USP9X: variants seen among roughly 807,000 people sequenced by gnomAD.
USP9X encodes the protein ubiquitin specific peptidase 9 X-linked.
USP9X carries 7 observed loss-of-function variants against 190.3 expected under a neutral mutation model. That is an observed-to-expected ratio of 0.04 (90% CI 0.02 to 0.07). The LOEUF (loss-of-function observed/expected upper bound fraction) is 0.07. Among genes scored for constraint, USP9X ranks in the 10% least tolerant of loss-of-function variants. The pLI is 1.00. For missense variants in USP9X, 1,010 were observed against 1,916.9 expected, an observed-to-expected ratio of 0.53 and a Z score of 8.83; for synonymous variants, 645 against 659.5, an observed-to-expected ratio of 0.98 and a Z score of 0.34.
chrX:41,087,266 TG>T (rs1479799292), intron 1 of USP9X, among the ~76,000 whole-genome samples: 5 of 112,339 alleles, frequency 4.5e-5, no homozygotes, highest in African/African-American at 6.5e-5. Flanking sequence ...ACTTAACGTT[TG>T]TATACTTTCA....
At chrX:41,164,015 G>C (rs983198717) in intron 15 of USP9X, among the ~76,000 whole-genome samples, 6 of 111,157 alleles carry the variant, frequency 5.4e-5, no homozygotes, top group Non-Finnish European at 9.4e-5. Context: ...TGGGACTACA[G>C]GCATGCGCCA....
At chrX:41,196,939 C>T (rs2062989043) in intron 28 of USP9X, among the ~76,000 whole-genome samples, 1 of 112,052 alleles carries the variant, frequency 8.9e-6, no homozygotes, top group African/African-American at 3.2e-5. Context: ...AAATGAATTG[C>T]TTACTTGACA....
At chrX:41,209,679 T>G (rs145584244) in intron 32 of USP9X, among the ~76,000 whole-genome samples, 1,850 of 112,208 alleles carry the variant, frequency 0.016, 31 homozygotes, top group African/African-American at 0.057. Context: ...TGAAACAAGC[T>G]GATTTTTAAC....
intron 39 of USP9X, among the ~76,000 whole-genome samples, chrX:41,223,983 T>G (rs12009985): frequency 0.15 from 16,456 of 110,075 alleles, 1,159 homozygotes; most frequent in African/African-American, 0.24. Flanking sequence ...GGCAGGAGAA[T>G]CACTTGAGCT....
chrX:41,154,957 A>G (rs1329478207), intron 14 of USP9X, among the ~76,000 whole-genome samples: 2 of 112,137 alleles, frequency 1.8e-5, no homozygotes, highest in Non-Finnish European at 3.8e-5. Context: ...TTACAACGTT[A>G]AATCACTTCT....
chrX:41,218,952 C>T, intron 37 of USP9X, 150 bp from the exon 38 acceptor site: 2 of 576,533 alleles, frequency 3.5e-6, no homozygotes, highest in Non-Finnish European at 5.0e-6. Context: ...TCTTCATTCC[C>T]TTTCCCAAGA....
rs2062490935 is a variant in USP9X, at chrX:41,148,493, C to G, written c.1544C>G (p.Ala515Gly). ...HKVLNLLWNL[A>G]HSDDVPVDIM... Reference sequence around the variant, plus strand: ...GTGTTGAACCTTCTGTGGAATCTGGCTCACAGTGATGATGTGCCTGTAGAT... The same window carrying G: ...GTGTTGAACCTTCTGTGGAATCTGGGTCACAGTGATGATGTGCCTGTAGAT... The change falls in exon 12 of 45, where the codon GCT becomes GGT. Residue 515 changes from alanine to glycine, a missense_variant. Transcript: ENST00000378308. The G allele has an allele frequency of 8.3e-7, 1 of 1,210,077 alleles. No individual in the cohort carries two copies. The highest frequency in any genetic ancestry group is 1.1e-6 in the Non-Finnish European group (1 of 895,302).
chrX:41,197,733 G>A (rs2062998911), intron 29 of USP9X, among the ~76,000 whole-genome samples: 1 of 111,370 alleles, frequency 9.0e-6, no homozygotes, highest in African/African-American at 3.3e-5. Flanking sequence ...TTCATGGCTG[G>A]ACTTGCTGGC....
At chrX:41,099,541 T>C (rs748039289) in intron 1 of USP9X, among the ~76,000 whole-genome samples, 56 of 111,752 alleles carry the variant, frequency 5.0e-4, no homozygotes, top group Admixed American at 8.6e-4. Flanking sequence ...ATCTGGTGGC[T>C]TAAATTTGTA....
intron 11 of USP9X, among the ~76,000 whole-genome samples, 189 bp downstream of exon 11, chrX:41,144,815 T>A (rs180678155): frequency 6.6e-4 from 74 of 111,490 alleles, no homozygotes; most frequent in Middle Eastern, 9.2e-3. Flanking sequence ...ATAGCCCCCA[T>A]AATGGAAACT....
At chrX:41,186,173 C>G (rs2062873462) in intron 23 of USP9X, among the ~76,000 whole-genome samples, 1 of 110,595 alleles carries the variant, frequency 9.0e-6, no homozygotes, top group African/African-American at 3.3e-5. Flanking sequence ...AGGGTCTGCC[C>G]AAGGCATGTA....
intron 28 of USP9X, 22 bp from the exon 29 acceptor site, chrX:41,197,342 C>A: frequency 1.5e-6 from 1 of 688,112 alleles, no homozygotes; most frequent in African/African-American, 2.6e-5. Context: ...CCCCCCCCCA[C>A]CCCACCCCCC....
intron 16 of USP9X, 30 bp from the exon 17 acceptor site, chrX:41,167,452 G>A: frequency 8.8e-7 from 1 of 1,133,643 alleles, no homozygotes; most frequent in South Asian, 1.9e-5. Context: ...ATGTTGAAAG[G>A]GATGAATACT....
intron 31 of USP9X, among the ~76,000 whole-genome samples, chrX:41,201,508 C>T (rs1041761097): frequency 9.0e-6 from 1 of 111,352 alleles, no homozygotes; most frequent in Admixed American, 9.6e-5. Flanking sequence ...TGCCACTGCA[C>T]TCCAGCCTGG....
intron 32 of USP9X, among the ~76,000 whole-genome samples, chrX:41,209,263 G>C (rs2063137009): frequency 8.9e-6 from 1 of 111,785 alleles, no homozygotes; most frequent in Non-Finnish European, 1.9e-5. Flanking sequence ...ACAAGGATTT[G>C]GCTGTTAGCT....
rs1479641727 is a variant in USP9X, at chrX:41,167,573, A to G, written c.2420A>G (p.Asn807Ser). ...AACCTTGGTCCAAGACTACAAGTCA[A>G]TCAGGTGAGGATTGATGTGCATTAA... ...YTNLGPRLQV[N>S]QVVIHEDFIQ... The change falls in exon 17 of 45, where the codon AAT (asparagine) becomes AGT (serine). Residue 807 changes from asparagine to serine, a missense_variant. Transcript: ENST00000378308. The G allele has an allele frequency of 4.2e-6, 5 of 1,191,122 alleles. No individual in the cohort carries two copies. The highest frequency in any genetic ancestry group is 3.0e-5 in the East Asian group (1 of 33,468).
At chrX:41,092,339 T>C (rs1331427596) in intron 1 of USP9X, among the ~76,000 whole-genome samples, 1 of 111,869 alleles carries the variant, frequency 8.9e-6, no homozygotes, top group African/African-American at 3.3e-5. Context: ...ATTTCTAGTC[T>C]TTTCTGTTAA....
intron 38 of USP9X, 74 bp from the exon 39 acceptor site, chrX:41,223,143 C>G (rs1289438356): frequency 2.7e-5 from 26 of 969,689 alleles, no homozygotes; most frequent in Non-Finnish European, 2.8e-6. Flanking sequence ...ATTCATGAAG[C>G]CCTTGCCATC....
chrX:41,114,486 C>CTTT (rs1162608288), intron 1 of USP9X, among the ~76,000 whole-genome samples: 1 of 97,650 alleles, frequency 1.0e-5, no homozygotes, highest in Non-Finnish European at 2.1e-5. Flanking sequence ...TTTCCCTTTT[C>CTTT]TTTTTTTTTT....
Sources: gnomAD v4.1 joint callset for allele counts (sites outside exome capture counted in the v4.1 genomes callset) on GRCh38, gnomAD v4.1.1 for gene constraint, MANE v1.5 for transcripts, NCBI Gene and HGNC (gene_info 2026-07-23, HGNC 2026-07-21) for gene names.